LRRC8C: variants seen among roughly 807,000 people sequenced by gnomAD.
LRRC8C encodes leucine rich repeat containing 8 VRAC subunit C, also known as volume-regulated anion channel subunit LRRC8C.
LRRC8C carries 20 observed loss-of-function variants against 55.3 expected under a neutral mutation model. The ratio of observed to expected loss-of-function variants is 0.36; its 90% confidence interval spans 0.25 to 0.53. LRRC8C has a LOEUF of 0.53. LRRC8C is among the 20% of genes least tolerant of loss of function. The probability of loss-of-function intolerance (pLI) is 0.92; values close to 1 mark genes in which losing one functional copy is unlikely to be tolerated. For missense variants in LRRC8C, 659 were observed against 951.4 expected (o/e 0.69, Z 4.04); for synonymous variants, 376 against 360.7 (o/e 1.04, Z -0.48).
chr1:89,626,234 A>G, the LRRC8C span: 1 of 152,222 alleles, frequency 6.6e-6, no homozygotes, highest in South Asian at 2.1e-4. Flanking sequence ...CTTTAAACTT[A>G]CACTACATAT....
chr1:89,621,480 T>G, the LRRC8C span, among the ~76,000 whole-genome samples: 1 of 151,816 alleles, frequency 6.6e-6, no homozygotes, highest in East Asian at 1.9e-4. Context: ...AAAAAATTCC[T>G]TTCCCCTTAA....
At chr1:89,675,662 T>G (rs1657528984) in intron 1 of LRRC8C, among the ~76,000 whole-genome samples, 1 of 152,246 alleles carries the variant, frequency 6.6e-6, no homozygotes, top group Non-Finnish European at 1.5e-5. Context: ...ATAAGGTGAT[T>G]GAAAACCTGG....
intron 2 of LRRC8C, among the ~76,000 whole-genome samples, chr1:89,688,606 C>A (rs1009358444): frequency 2.0e-5 from 3 of 152,168 alleles, no homozygotes; most frequent in Non-Finnish European, 4.4e-5. Flanking sequence ...GGCTTCCAGG[C>A]AGAGGGAACA....
At chr1:89,616,849 G>A in the LRRC8C span, among the ~76,000 whole-genome samples, 2 of 152,254 alleles carry the variant, frequency 1.3e-5, no homozygotes, top group South Asian at 2.1e-4. Flanking sequence ...ACAAAGTGAG[G>A]ATATGAATAC....
At chr1:89,626,981 A>G in the LRRC8C span, among the ~76,000 whole-genome samples, 1 of 150,082 alleles carries the variant, frequency 6.7e-6, no homozygotes, top group East Asian at 1.9e-4. Context: ...ACACACACAC[A>G]CACACACACA....
chr1:89,670,321 G>A (rs932501209), intron 1 of LRRC8C, among the ~76,000 whole-genome samples: 9 of 152,030 alleles, frequency 5.9e-5, no homozygotes, highest in African/African-American at 1.4e-4. Flanking sequence ...TTTCATTTCC[G>A]CATTTTATCT....
chr1:89,643,389 C>A lies in LRRC8C; in HGVS notation c.-5+10067C>A, dbSNP rs531636700. ...AAGCCACCATGTCCAGCTGGGAGGA[C>A]ATATTCTTAATGAACCTATACAAAT... On this transcript the variant is annotated intron_variant, in intron 1 of 2. Coordinates refer to ENST00000370454, the MANE Select transcript of LRRC8C (RefSeq NM_032270.5). Among the ~76,000 whole-genome samples, 4 of 152,352 alleles carry A rather than the reference C, an allele frequency of 2.6e-5. No individual in the cohort carries two copies. The South Asian group carries it at 6.2e-4, about 24-fold the overall frequency.
chr1:89,671,953 G>T (rs1657428483), intron 1 of LRRC8C, among the ~76,000 whole-genome samples: 1 of 152,132 alleles, frequency 6.6e-6, no homozygotes, highest in Non-Finnish European at 1.5e-5. Context: ...GTCATGTGTT[G>T]CCCTCCTTGT....
At chr1:89,682,962 T>C (rs562336301) in intron 1 of LRRC8C, among the ~76,000 whole-genome samples, 33 of 152,342 alleles carry the variant, frequency 2.2e-4, no homozygotes, top group South Asian at 1.2e-3. Flanking sequence ...ATGTGGCATA[T>C]ATATCCTCAA....
At position 89,668,977 on chromosome 1, in the gene LRRC8C, G is replaced by A. The variant is rs1044826233; in HGVS notation, c.-4-17493G>A. ...ATTAGGACAGAAGTCTCCAAACACCGATAAATTCTTATTCTCAAAAGTAAA... is the reference window on the plus strand; with the variant it reads ...ATTAGGACAGAAGTCTCCAAACACCAATAAATTCTTATTCTCAAAAGTAAA... On this transcript the variant is annotated intron_variant, in intron 1 of 2. Transcript: ENST00000370454. Among the ~76,000 whole-genome samples, 6 of 151,978 alleles carry A rather than the reference G, an allele frequency of 3.9e-5. No individual in the cohort carries two copies. In the East Asian group the frequency reaches 7.7e-4, roughly 19 times the overall value.
In LRRC8C at chr1:89,715,028, C is replaced by G. The variant is rs74449391; in HGVS notation, c.*46C>G. ...GACTGAAACACGCTTCTACCAAATA[C>G]AGTATAAATAATTAGGTAGTCTTAA... is the stretch of plus-strand genomic sequence containing the variant. On this transcript the variant is annotated 3_prime_UTR_variant, in exon 3 of 3. Transcript: ENST00000370454. 7.3e-6 allele frequency: 10 copies of G among 1,375,530 alleles called. No homozygotes were observed. The highest frequency in any genetic ancestry group is 7.9e-6 in the Non-Finnish European group (8 of 1,014,148). The allele number at this position is 1,375,530 out of a possible 1,614,324, so 85.2% of individuals were successfully genotyped here. A position where few individuals can be genotyped will look rare whatever the true frequency, so the allele number is the denominator to read the frequency against.
chr1:89,664,369 G>A (rs1332310048), intron 1 of LRRC8C, among the ~76,000 whole-genome samples: 1 of 152,184 alleles, frequency 6.6e-6, no homozygotes, highest in Non-Finnish European at 1.5e-5. Flanking sequence ...CGGCTAGCCA[G>A]TTTTCCCAAC....
rs1173674751 is a variant in LRRC8C at position 89,713,467 on chromosome 1, C to T, written c.897C>T (p.Asp299=). Residue 299 remains aspartate, a synonymous_variant, in exon 3 of 3, where the codon GAC becomes GAT. Coordinates refer to ENST00000370454, the MANE Select transcript of LRRC8C (RefSeq NM_032270.5). This position sits in a 1 kb window ranked among gnomAD's most constrained non-coding sequence, Gnocchi z 5.2. ...FTVDCNVDIQ[D]MTGYKNFSCN... ...TGGACTGTAATGTGGACATTCAGGA[C>T]ATGACTGGATATAAAAACTTTTCTT... is the stretch of plus-strand genomic sequence containing the variant. 2.5e-6 allele frequency: 4 copies of T among 1,614,060 alleles called. No individual in the cohort carries two copies. Among genetic ancestry groups the T allele is most frequent in the African/African-American group, 2.7e-5 (2 of 74,952 alleles).
At chr1:89,676,037 A>C (rs1657540302) in intron 1 of LRRC8C, among the ~76,000 whole-genome samples, 1 of 152,228 alleles carries the variant, frequency 6.6e-6, no homozygotes. Context: ...ATGTACTTGA[A>C]TTGTGCGGAA....
At chr1:89,648,182 T>C (rs1316339638) in intron 1 of LRRC8C, among the ~76,000 whole-genome samples, 1 of 152,264 alleles carries the variant, frequency 6.6e-6, no homozygotes, top group Non-Finnish European at 1.5e-5. Context: ...GTTAAAACTA[T>C]TGTATAAGTA....
intron 1 of LRRC8C, among the ~76,000 whole-genome samples, chr1:89,672,898 T>G (rs1262036620): frequency 6.6e-6 from 1 of 152,136 alleles, no homozygotes; most frequent in African/African-American, 2.4e-5. Flanking sequence ...TTAAGATGGG[T>G]CATTGGAAAA....
chr1:89,666,205 G>A (rs1282309618), intron 1 of LRRC8C, among the ~76,000 whole-genome samples: 1 of 152,078 alleles, frequency 6.6e-6, no homozygotes, highest in Non-Finnish European at 1.5e-5. Context: ...TAATAAACAT[G>A]TACATTCCCT....
At chr1:89,645,958 C>CAGAT (rs57855698) in intron 1 of LRRC8C, among the ~76,000 whole-genome samples, 2,853 of 150,292 alleles carry the variant, frequency 0.019, 70 homozygotes, top group African/African-American at 0.05. Flanking sequence ...GGAAGATGAT[C>CAGAT]AGATAGATAG....
intron 1 of LRRC8C, among the ~76,000 whole-genome samples, chr1:89,663,005 A>T (rs1407223165): frequency 2.0e-5 from 3 of 151,964 alleles, no homozygotes; most frequent in Non-Finnish European, 2.9e-5. Context: ...CCAGTGTGTG[A>T]TGTTCCCCTC....
Sources: gnomAD v4.1 joint callset for allele counts (sites outside exome capture counted in the v4.1 genomes callset) on GRCh38, gnomAD v4.1.1 for gene constraint, Gnocchi (gnomAD v3.1) non-coding constraint, MANE v1.5 for transcripts, NCBI Gene and HGNC (gene_info 2026-07-23, HGNC 2026-07-21) for gene names.